Variants in NPAS3 observed in about 807,000 individuals in gnomAD.
NPAS3 encodes neuronal PAS domain-containing protein 3.
In NPAS3, 14 loss-of-function variants were observed where a neutral mutation model predicts 73.1. The observed-to-expected ratio is 0.19, with a 90% CI of 0.13 to 0.30. NPAS3 has a LOEUF of 0.30. NPAS3 is among the 10% of genes least tolerant of loss of function. The pLI, the probability that NPAS3 is intolerant of heterozygous loss-of-function variation, is 1.00. For synonymous variants in NPAS3, 620 were observed against 541.5 expected (o/e 1.14, Z -2.01); for missense variants, 1,096 against 1,250.0 (o/e 0.88, Z 1.86).
intron 4 of NPAS3, among the ~76,000 whole-genome samples, chr14:33,509,839 T>C (rs1283943400): frequency 6.6e-6 from 1 of 152,068 alleles, no homozygotes; most frequent in Non-Finnish European, 1.5e-5. Flanking sequence ...TATCAGACTA[T>C]GTTTATGACT....
At chr14:33,634,611 T>G (rs973039533) in intron 5 of NPAS3, among the ~76,000 whole-genome samples, 3 of 152,096 alleles carry the variant, frequency 2.0e-5, no homozygotes, top group African/African-American at 7.2e-5. Context: ...AGGCAGCAAT[T>G]CCTAGGAGTT....
intron 4 of NPAS3, among the ~76,000 whole-genome samples, chr14:33,544,424 A>G (rs1164555405): frequency 6.6e-6 from 1 of 152,128 alleles, no homozygotes; most frequent in African/African-American, 2.4e-5. Flanking sequence ...TGGAGATTTT[A>G]GGAGGTAATT....
At chr14:33,195,266 GTTTTGTTTTC>G (rs2046312148) in intron 2 of NPAS3, among the ~76,000 whole-genome samples, 1 of 150,050 alleles carries the variant, frequency 6.7e-6, no homozygotes, top group African/African-American at 2.5e-5. Flanking sequence ...GTTTTTTTTT[GTTTTGTTTTC>G]TTTTGTTTTT....
chr14:33,582,772 T>G (rs1177278636), intron 5 of NPAS3, among the ~76,000 whole-genome samples: 1 of 152,120 alleles, frequency 6.6e-6, no homozygotes, highest in Non-Finnish European at 1.5e-5. Context: ...TTAAAATAAT[T>G]ATAGATATGT....
At chr14:33,585,332 A>G (rs1022417653) in intron 5 of NPAS3, among the ~76,000 whole-genome samples, 2 of 152,194 alleles carry the variant, frequency 1.3e-5, no homozygotes, top group African/African-American at 4.8e-5. Flanking sequence ...GGACATAAGA[A>G]CAATATGACT....
chr14:33,709,820 A>G (rs2060766171), intron 6 of NPAS3, among the ~76,000 whole-genome samples: 1 of 152,220 alleles, frequency 6.6e-6, no homozygotes, highest in African/African-American at 2.4e-5. Context: ...GCCCTTCCTC[A>G]GGACTTAAAT....
chr14:33,339,947 A>G (rs986881141), intron 3 of NPAS3, among the ~76,000 whole-genome samples: 1 of 152,226 alleles, frequency 6.6e-6, no homozygotes, highest in African/African-American at 2.4e-5. Context: ...ATCAGTGTGT[A>G]AAATTTAAAG....
chr14:33,731,929 G>A (rs1464077461), intron 6 of NPAS3, among the ~76,000 whole-genome samples: 5 of 152,046 alleles, frequency 3.3e-5, no homozygotes, highest in African/African-American at 1.2e-4. Flanking sequence ...TCATAGGGCA[G>A]AGCTGGGCGC....
intron 2 of NPAS3, among the ~76,000 whole-genome samples, chr14:33,074,676 C>A (rs1054166484): frequency 6.6e-6 from 1 of 152,184 alleles, no homozygotes; most frequent in Non-Finnish European, 1.5e-5. Context: ...CTTCGCCTCC[C>A]AGTGTTCTGG....
At chr14:33,676,893 A>G (rs1030023888) in intron 6 of NPAS3, among the ~76,000 whole-genome samples, 6 of 152,206 alleles carry the variant, frequency 3.9e-5, no homozygotes, top group African/African-American at 1.4e-4. Context: ...AAATGGCTAC[A>G]TTTTAAACTG....
chr14:32,940,970 T>C (rs1389605631), intron 1 of NPAS3, among the ~76,000 whole-genome samples: 2 of 152,174 alleles, frequency 1.3e-5, no homozygotes, highest in East Asian at 1.9e-4. Flanking sequence ...GTGTATAGCA[T>C]TAACTATTGC....
intron 2 of NPAS3, among the ~76,000 whole-genome samples, chr14:33,179,872 G>A (rs976922655): frequency 6.6e-6 from 1 of 152,122 alleles, no homozygotes; most frequent in South Asian, 2.1e-4. Context: ...CTAAATATCT[G>A]AGGCATTTTA....
At chr14:33,692,890 A>G (rs1221906726) in intron 6 of NPAS3, among the ~76,000 whole-genome samples, 2 of 143,996 alleles carry the variant, frequency 1.4e-5, no homozygotes, top group African/African-American at 5.1e-5. Flanking sequence ...CGTAGACTTT[A>G]TCGTAGCAAA....
Position 32,975,708 on chromosome 14 carries a change from T to C in NPAS3, c.50+36342T>C, listed in dbSNP as rs79357947. On this transcript the variant is annotated intron_variant, in intron 1 of 11. Transcript: ENST00000356141. ...TAGTAGAGGAATATGAAGTGCTTTA[T>C]AGTCCAACAGATCATGAAGGATTGA... is the stretch of plus-strand genomic sequence containing the variant. 1.8e-3 allele frequency among the ~76,000 whole-genome samples: 280 copies of C among 152,314 alleles called. 3 individuals are homozygous for C. In the East Asian group the frequency reaches 0.036, roughly 19 times the overall value.
chr14:33,799,816 G>A (rs1304511201), exon 12 of NPAS3: 6 of 1,613,730 alleles, frequency 3.7e-6, no homozygotes, highest in Non-Finnish European at 3.4e-6. Flanking sequence ...GGAAGAAGTC[G>A]GGCAACGCGT....
intron 2 of NPAS3, among the ~76,000 whole-genome samples, chr14:33,094,922 A>G (rs1009522880): frequency 3.3e-5 from 5 of 152,206 alleles, no homozygotes; most frequent in African/African-American, 9.7e-5. Flanking sequence ...TGTTTTCACT[A>G]TGTAACAGGT....
intron 4 of NPAS3, among the ~76,000 whole-genome samples, chr14:33,467,064 T>C (rs2050560897): frequency 6.6e-6 from 1 of 152,248 alleles, no homozygotes. Flanking sequence ...ATAATGTTAG[T>C]GTTCATAAAG....
intron 4 of NPAS3, among the ~76,000 whole-genome samples, chr14:33,490,888 A>G (rs1037370933): frequency 1.3e-5 from 2 of 152,188 alleles, no homozygotes; most frequent in Admixed American, 6.5e-5. Context: ...CCTAAAGCGC[A>G]TTTATTCTGA....
At chr14:33,492,683 G>A (rs999625077) in intron 4 of NPAS3, among the ~76,000 whole-genome samples, 13 of 152,176 alleles carry the variant, frequency 8.5e-5, no homozygotes, top group Admixed American at 7.9e-4. Flanking sequence ...GAAGCAAGGA[G>A]CTTCCCATCC....
Sources: gnomAD v4.1 joint callset for allele counts (sites outside exome capture counted in the v4.1 genomes callset) on GRCh38, gnomAD v4.1.1 for gene constraint, MANE v1.5 for transcripts, NCBI Gene and HGNC (gene_info 2026-07-23, HGNC 2026-07-21) for gene names.